Variants in PIK3C2A observed in about 807,000 individuals in gnomAD.
PIK3C2A encodes phosphatidylinositol-4-phosphate 3-kinase catalytic subunit type 2 alpha.
A neutral mutation model predicts 204.5 loss-of-function variants in PIK3C2A; 97 were observed. The ratio of observed to expected loss-of-function variants is 0.47; its 90% CI spans 0.40 to 0.56. The LOEUF (loss-of-function observed/expected upper bound fraction) is 0.56. Ranked by LOEUF, PIK3C2A falls within the 20% of genes least tolerant of loss-of-function variation. The pLI, the probability that PIK3C2A is intolerant of heterozygous loss-of-function variation, is 0.00. For synonymous variants in PIK3C2A, 653 were observed against 664.4 expected (o/e 0.98, Z 0.26); for missense variants, 1,735 against 1,969.2 (o/e 0.88, Z 2.25).
intron 8 of PIK3C2A, among the ~76,000 whole-genome samples, chr11:17,140,024 T>G (rs1565268865): frequency 6.6e-6 from 1 of 152,192 alleles, no homozygotes; most frequent in South Asian, 2.1e-4. Context: ...CCATTATTCC[T>G]TGCCTCAAAA....
intron 1 of PIK3C2A, among the ~76,000 whole-genome samples, chr11:17,188,215 G>GTGATTT (rs1278262245): frequency 7.1e-4 from 92 of 129,244 alleles, no homozygotes; most frequent in African/African-American, 3.4e-3. Flanking sequence ...GTGCATGCCT[G>GTGATTT]TAATCTGCAG....
At chr11:17,197,326 C>A (rs540319331) in intron 1 of PIK3C2A, among the ~76,000 whole-genome samples, 1 of 152,124 alleles carries the variant, frequency 6.6e-6, no homozygotes, top group East Asian at 1.9e-4. Flanking sequence ...GGCCCCCACT[C>A]CATTCTTTAG....
intron 1 of PIK3C2A, among the ~76,000 whole-genome samples, chr11:17,188,231 C>A (rs1851821779): frequency 6.8e-6 from 1 of 147,028 alleles, no homozygotes; most frequent in South Asian, 2.1e-4. Context: ...TGCAGCTACT[C>A]AGGAGTCTGA....
At chr11:17,132,122 CAA>C in intron 11 of PIK3C2A, 84 bp from the exon 12 acceptor site, 1 of 780,294 alleles carries the variant, frequency 1.3e-6, no homozygotes, top group Non-Finnish European at 2.0e-6. Flanking sequence ...GTTCTTCCTC[CAA>C]AGAGACTAAT....
At chr11:17,139,850 TA>T (rs988236020) in intron 8 of PIK3C2A, among the ~76,000 whole-genome samples, 6 of 152,194 alleles carry the variant, frequency 3.9e-5, no homozygotes, top group African/African-American at 1.4e-4. Context: ...TCATTCTGAC[TA>T]AACTCTTCTC....
At chr11:17,119,460 A>C in intron 16 of PIK3C2A, 147 bp from the exon 17 acceptor site, 1 of 651,594 alleles carries the variant, frequency 1.5e-6, no homozygotes. Context: ...TCTTTTTGTA[A>C]GAAGACAATC....
In PIK3C2A at chr11:17,145,852, A is replaced by G. The variant is rs774833640; in HGVS notation, c.1640+11T>C. On this transcript the variant is annotated intron_variant, in intron 7 of 32. Coordinates refer to ENST00000691414, the MANE Select transcript of PIK3C2A (RefSeq NM_002645.4). ...TCTGAAAACCTGCAATTAATGCTTT[A>G]GATGATATACCTCGTCATGGCTTCT... 2 of 1,609,354 alleles carry G rather than the reference A, an allele frequency of 1.2e-6. No homozygotes were observed. The highest frequency in any genetic ancestry group is 1.7e-6 in the Non-Finnish European group (2 of 1,176,000).
At chr11:17,172,563 T>C (rs1052646541) in intron 1 of PIK3C2A, among the ~76,000 whole-genome samples, 10 of 152,218 alleles carry the variant, frequency 6.6e-5, no homozygotes, top group African/African-American at 2.2e-4. Context: ...TACATAGCAA[T>C]AGATAACTGA....
At chr11:17,151,164 T>C (rs1436741001) in intron 3 of PIK3C2A, among the ~76,000 whole-genome samples, 1 of 152,228 alleles carries the variant, frequency 6.6e-6, no homozygotes, top group Non-Finnish European at 1.5e-5. Context: ...TTTACAGTGC[T>C]ACAAGGCCTT....
intron 32 of PIK3C2A, 33 bp from the exon 33 acceptor site, chr11:17,089,953 A>C: frequency 6.8e-7 from 1 of 1,470,564 alleles, no homozygotes; most frequent in Non-Finnish European, 9.2e-7. Context: ...AGTAAATCAC[A>C]AATTAAAGTT....
rs151224999 is a variant in PIK3C2A, at chr11:17,173,744, A to G, written c.-65-3938T>C. Among the ~76,000 whole-genome samples, 21 of 152,372 alleles carry G rather than the reference A, an allele frequency of 1.4e-4. 1 individual carries two copies. In the East Asian group the frequency reaches 3.7e-3, roughly 27 times the overall value. ...GTTTATTTTTGGAGTTCCCCACAAC[A>G]TTTAAAAGTACCTTGCTTAATGAAT... is the stretch of plus-strand genomic sequence containing the variant. On this transcript the variant is annotated intron_variant, in intron 1 of 32. Transcript: ENST00000691414.
At chr11:17,120,264 T>A (rs1026354110) in intron 15 of PIK3C2A, among the ~76,000 whole-genome samples, 5 of 151,852 alleles carry the variant, frequency 3.3e-5, no homozygotes, top group Non-Finnish European at 4.4e-5. Context: ...TGCCAGGCAC[T>A]AGAAATCAGA....
chr11:17,140,068 T>C (rs17561348), intron 8 of PIK3C2A, among the ~76,000 whole-genome samples: 35,998 of 152,002 alleles, frequency 0.24, 5,316 homozygotes, highest in East Asian at 0.38. Context: ...TTTTAGCAAA[T>C]TGAATTAACA....
At chr11:17,178,976 G>A (rs533884744) in intron 1 of PIK3C2A, among the ~76,000 whole-genome samples, 173 of 151,064 alleles carry the variant, frequency 1.1e-3, no homozygotes, top group African/African-American at 3.8e-3. Flanking sequence ...TGATCCACCC[G>A]CCTCGGCCTC....
chr11:17,197,283 G>C (rs1278779790), intron 1 of PIK3C2A, among the ~76,000 whole-genome samples: 1 of 152,120 alleles, frequency 6.6e-6, no homozygotes, highest in East Asian at 1.9e-4. Context: ...GCTTCCCAAA[G>C]TGCTGGGACT....
chr11:17,178,633 G>A (rs1418665091), intron 1 of PIK3C2A, among the ~76,000 whole-genome samples: 1 of 150,976 alleles, frequency 6.6e-6, no homozygotes, highest in Admixed American at 6.6e-5. Flanking sequence ...CGCAGTCTCA[G>A]TTCACTGCAA....
intron 6 of PIK3C2A, 54 bp from the exon 7 acceptor site, chr11:17,145,996 T>C: frequency 7.6e-7 from 1 of 1,311,384 alleles, no homozygotes; most frequent in Non-Finnish European, 1.1e-6. Context: ...GTCTTTCTAT[T>C]GTCAAATTAA....
At chr11:17,106,817 C>T (rs1360663387) in intron 22 of PIK3C2A, among the ~76,000 whole-genome samples, 1 of 152,166 alleles carries the variant, frequency 6.6e-6, no homozygotes, top group Admixed American at 6.6e-5. Context: ...CACACTGTCC[C>T]ACTTCAGCAC....
chr11:17,206,165 T>G (rs1852566440), intron 1 of PIK3C2A, among the ~76,000 whole-genome samples: 1 of 152,122 alleles, frequency 6.6e-6, no homozygotes, highest in East Asian at 1.9e-4. Flanking sequence ...ACATGTTATT[T>G]GCAAAGAAAA....
Sources: allele counts gnomAD v4.1 joint callset (sites outside exome capture counted in the v4.1 genomes callset), GRCh38; gene constraint gnomAD v4.1.1; transcripts MANE v1.5; gene names NCBI Gene and HGNC (gene_info 2026-07-23, HGNC 2026-07-21).